PROSER2: variants seen among roughly 807,000 people sequenced by gnomAD.
PROSER2 encodes proline and serine-rich protein 2.
Under a neutral mutation model 14.6 loss-of-function variants are expected in PROSER2, and 18 were observed. The ratio of observed to expected loss-of-function variants is 1.23; its 90% confidence interval spans 0.85 to 1.83. The LOEUF (loss-of-function observed/expected upper bound fraction) is 1.83, where lower values mean the gene tolerates loss of function less well. PROSER2 is among the 40% of genes most tolerant of loss of function. The pLI, the probability that PROSER2 is intolerant of heterozygous loss-of-function variation, is 0.00. For missense variants in PROSER2, 823 were observed against 629.8 expected (o/e 1.31, Z -3.28); for synonymous variants, 367 against 286.4 (o/e 1.28, Z -2.84).
At chr10:11,844,174 TAG>T (rs1259809854) in intron 1 of PROSER2, among the ~76,000 whole-genome samples, 20 of 152,198 alleles carry the variant, frequency 1.3e-4, no homozygotes, top group African/African-American at 4.8e-4. Flanking sequence ...AAATTTCTTA[TAG>T]AGATAAGGTC....
chr10:11,852,974 TAA>T (rs1455114601), intron 2 of PROSER2, among the ~76,000 whole-genome samples: 1 of 152,146 alleles, frequency 6.6e-6, no homozygotes, highest in Non-Finnish European at 1.5e-5. Flanking sequence ...TTGGTGAAGT[TAA>T]GAGGATCTCG....
chr10:11,859,266 A>G (rs895773427), intron 2 of PROSER2, among the ~76,000 whole-genome samples: 4 of 151,984 alleles, frequency 2.6e-5, no homozygotes, highest in African/African-American at 7.3e-5. Flanking sequence ...TGCTAAAAAT[A>G]CCAAAAAACA....
At chr10:11,859,552 G>A (rs1385061425) in intron 2 of PROSER2, among the ~76,000 whole-genome samples, 6 of 152,116 alleles carry the variant, frequency 3.9e-5, no homozygotes, top group East Asian at 3.9e-4. Context: ...CCAAGAAAGC[G>A]GCTATTTTTG....
At chr10:11,855,614 C>T (rs1334636255) in intron 2 of PROSER2, among the ~76,000 whole-genome samples, 1 of 152,064 alleles carries the variant, frequency 6.6e-6, no homozygotes, top group Non-Finnish European at 1.5e-5. Context: ...TTCTCCTGAG[C>T]CAGTGCAAGT....
rs188422043 is a variant in PROSER2 at position 11,839,385 on chromosome 10, A to T, written c.-81-12612A>T. On this transcript the variant is annotated intron_variant, in intron 1 of 3. Coordinates refer to ENST00000277570, the MANE Select transcript of PROSER2 (RefSeq NM_153256.4). ...TTGATAAATTCAACTACATAAAAAT[A>T]AATTCTTTAGGTCATATTACAAATT... Among the ~76,000 whole-genome samples, 1,495 of 152,332 alleles carry T rather than the reference A, an allele frequency of 9.8e-3. 22 individuals carry two copies. Among genetic ancestry groups the T allele is most frequent in the African/African-American group, 0.034 (1,430 of 41,574 alleles).
chr10:11,869,465 C>T lies in PROSER2; in HGVS notation c.392-25C>T, dbSNP rs199544957. 2.5e-5 allele frequency: 40 copies of T among 1,587,012 alleles called. 1 individual carries two copies. The Middle Eastern group carries it at 8.3e-4, about 33-fold the overall frequency. On this transcript the variant is annotated intron_variant, in intron 3 of 3. Transcript: ENST00000277570. The surrounding 1 kb of genome is among the most constrained non-coding windows in gnomAD (Gnocchi z 4.4). ...TTTACTTTCACGTGGGCCGGTGGCTCACAGGCTCCTCCCTTGTCTTCCAGG... is the reference window on the plus strand; with the variant it reads ...TTTACTTTCACGTGGGCCGGTGGCTTACAGGCTCCTCCCTTGTCTTCCAGG...
At position 11,823,678 on chromosome 10, in the gene PROSER2, G is replaced by A. The variant is rs907627755; in HGVS notation, c.-82+208G>A. The stretch of plus-strand genomic sequence containing the variant: ...CCGGTGCCCGACCCCCGACCCCGGG[G>A]CGTCGCTGCCTCCTCGGGGACCTCG... On this transcript the variant is annotated intron_variant, in intron 1 of 3. Transcript: ENST00000277570. This position sits in a 1 kb window ranked among gnomAD's most constrained non-coding sequence, Gnocchi z 6.2. Among the ~76,000 whole-genome samples the A allele has an allele frequency of 1.8e-4, 27 of 152,182 alleles. No individual in the cohort carries two copies. Among genetic ancestry groups the A allele is most frequent in the Middle Eastern group, 3.4e-3 (1 of 292 alleles).
At chr10:11,848,077 TTTCAGAGG>T (rs1359485405) in intron 1 of PROSER2, among the ~76,000 whole-genome samples, 7 of 152,200 alleles carry the variant, frequency 4.6e-5, no homozygotes, top group African/African-American at 1.7e-4. Context: ...TTGTGTATCT[TTTCAGAGG>T]TTCACACACA....
intron 1 of PROSER2, among the ~76,000 whole-genome samples, chr10:11,839,936 TATTTTC>T (rs1042310688): frequency 6.6e-6 from 1 of 152,068 alleles, no homozygotes; most frequent in South Asian, 2.1e-4. Context: ...TTTTTATTTT[TATTTTC>T]ATTTTATTTA....
intron 1 of PROSER2, among the ~76,000 whole-genome samples, chr10:11,844,260 G>A (rs1833893947): frequency 6.6e-6 from 1 of 152,026 alleles, no homozygotes; most frequent in East Asian, 1.9e-4. Flanking sequence ...CAAAGCACTG[G>A]GATTACAGGT....
At chr10:11,829,540 C>T (rs1833662601) in intron 1 of PROSER2, among the ~76,000 whole-genome samples, 1 of 151,852 alleles carries the variant, frequency 6.6e-6, no homozygotes, top group Admixed American at 6.6e-5. Context: ...TGTGATTGTG[C>T]CACTGCATTC....
At chr10:11,860,731 G>T (rs1283176847) in intron 2 of PROSER2, among the ~76,000 whole-genome samples, 1 of 152,226 alleles carries the variant, frequency 6.6e-6, no homozygotes, top group African/African-American at 2.4e-5. Context: ...TATGAGGCCT[G>T]CGTGGGGATC....
intron 2 of PROSER2, among the ~76,000 whole-genome samples, chr10:11,861,805 A>G (rs1450423696): frequency 6.6e-6 from 1 of 152,236 alleles, no homozygotes; most frequent in Non-Finnish European, 1.5e-5. Context: ...AGAGTTGGCC[A>G]TGCCTCCCGA....
rs17851505 is a variant in PROSER2 at position 11,870,145 on chromosome 10, C to G, written c.1047C>G (p.His349Gln). 3.5e-6 allele frequency: 5 copies of G among 1,424,474 alleles called. No individual in the cohort carries two copies. Among genetic ancestry groups the G allele is most frequent in the Non-Finnish European group, 4.6e-6 (5 of 1,095,362 alleles). The allele number at this position is 1,424,474 out of a possible 1,614,324, so 88.2% of individuals were successfully genotyped here. A position where few individuals can be genotyped will look rare whatever the true frequency, so the allele number is the denominator to read the frequency against. The change falls in exon 4 of 4, where the codon CAC (histidine) becomes CAG (glutamine). Residue 349 changes from histidine to glutamine, a missense_variant. Transcript: ENST00000277570. Reference protein sequence around the residue: ...PALANGFPSAHEALKSAPSSF... With the variant: ...PALANGFPSAQEALKSAPSSF... Reference sequence around the variant, plus strand: ...TGGCCAACGGCTTCCCAAGTGCGCACGAGGCCCTGAAGAGCGCACCCAGCT... The same window carrying G: ...TGGCCAACGGCTTCCCAAGTGCGCAGGAGGCCCTGAAGAGCGCACCCAGCT...
intron 1 of PROSER2, among the ~76,000 whole-genome samples, chr10:11,832,844 A>G (rs1200199328): frequency 6.6e-6 from 1 of 151,012 alleles, no homozygotes; most frequent in Non-Finnish European, 1.5e-5. Context: ...ATGGTTTTAG[A>G]GTTTTGTTTT....
At chr10:11,859,020 A>AAAAAAAAAAAG (rs1834183022) in intron 2 of PROSER2, among the ~76,000 whole-genome samples, 1 of 101,542 alleles carries the variant, frequency 9.8e-6, no homozygotes, top group Non-Finnish European at 2.2e-5. Context: ...AAAAAAAAAA[A>AAAAAAAAAAAG]AAAAAAAAAA....
At chr10:11,834,585 AT>A (rs1339856721) in intron 1 of PROSER2, among the ~76,000 whole-genome samples, 1 of 151,394 alleles carries the variant, frequency 6.6e-6, no homozygotes, top group Admixed American at 6.6e-5. Context: ...AAATACAAAA[AT>A]TAGCCGGGTA....
rs1833682586 is a variant in PROSER2, at chr10:11,830,960, C to G, written c.-82+7490C>G. ...ACTGGCCTCACCTTACTGACATCAT[C>G]CATCATCTGGCTCGCAAAGGGACTG... On this transcript the variant is annotated intron_variant, in intron 1 of 3. Transcript: ENST00000277570. This position sits in a 1 kb window ranked among gnomAD's most constrained non-coding sequence, Gnocchi z 4.5. Among the ~76,000 whole-genome samples the G allele has an allele frequency of 6.6e-6, 1 of 152,176 alleles. No individual in the cohort carries two copies. Among genetic ancestry groups the G allele is most frequent in the African/African-American group, 2.4e-5 (1 of 41,430 alleles).
rs770912396 is a variant in PROSER2 at position 11,870,203 on chromosome 10, C to T, written c.1105C>T (p.Arg369Cys). The T allele has an allele frequency of 9.4e-6, 14 of 1,489,564 alleles. No individual in the cohort carries two copies. Among genetic ancestry groups the T allele is most frequent in the East Asian group, 2.9e-5 (1 of 34,908 alleles). 92.3% of individuals were successfully genotyped at this position (1,489,564 alleles called of 1,614,324 possible). A position where few individuals can be genotyped will look rare whatever the true frequency, so the allele number is the denominator to read the frequency against. ...FAPAGKSLCF[R>C]PGPALPSTRA... is the part of the protein sequence containing the mutation. ...GCCCGCTGGGAAGTCCCTCTGCTTC[C>T]GCCCTGGCCCGGCCCTGCCCAGCAC... Residue 369 changes from arginine to cysteine, a missense_variant, in exon 4 of 4, where the codon CGC (arginine) becomes TGC (cysteine). By Grantham distance (180) the Arg-to-Cys change is radical. Coordinates refer to ENST00000277570, the MANE Select transcript of PROSER2 (RefSeq NM_153256.4).
Sources: allele counts gnomAD v4.1 joint callset (sites outside exome capture counted in the v4.1 genomes callset), GRCh38; gene constraint gnomAD v4.1.1; non-coding constraint Gnocchi (gnomAD v3.1); transcripts MANE v1.5; gene names NCBI Gene and HGNC (gene_info 2026-07-23, HGNC 2026-07-21).